Variants in AK5 observed in about 807,000 individuals in gnomAD.
The protein encoded by AK5 is adenylate kinase isoenzyme 5.
AK5 carries 27 observed loss-of-function variants against 69.5 expected under a neutral mutation model. The ratio of observed to expected loss-of-function variants is 0.39; its 90% CI spans 0.29 to 0.54. The LOEUF (loss-of-function observed/expected upper bound fraction) is 0.54. Ranked by LOEUF, AK5 falls within the 20% of genes least tolerant of loss-of-function variation. AK5 has a pLI of 0.71. For missense variants in AK5, 531 were observed against 700.4 expected (o/e 0.76, Z 2.73); for synonymous variants, 260 against 244.4 (o/e 1.06, Z -0.60).
Position 77,282,095 on chromosome 1 carries a change from A to T in AK5, c.-219A>T. The T allele has an allele frequency of 7.3e-6, 3 of 412,718 alleles. No individual in the cohort carries two copies. The highest frequency in any genetic ancestry group is 1.3e-5 in the Non-Finnish European group (3 of 232,910). The allele number at this position is 412,718 out of a possible 1,614,324, so 25.6% of individuals were successfully genotyped here. On this transcript the variant is annotated 5_prime_UTR_variant, in exon 1 of 14. Transcript: ENST00000354567. ...CCTGCAGCTCCGGCTCGGGGGCTGG[A>T]ACCGAAGCGGGGGCGGCGGGAGCGC...
At chr1:77,326,287 T>C (rs1660800480) in intron 5 of AK5, among the ~76,000 whole-genome samples, 1 of 152,166 alleles carries the variant, frequency 6.6e-6, no homozygotes, top group South Asian at 2.1e-4. Context: ...AGACAGTCTT[T>C]GTGTTTGAGT....
intron 2 of AK5, among the ~76,000 whole-genome samples, chr1:77,289,556 G>A (rs879778082): frequency 7.2e-5 from 11 of 151,924 alleles, no homozygotes; most frequent in African/African-American, 1.2e-4. Context: ...CTACTTAGTC[G>A]GAAAGCTGCT....
At chr1:77,486,206 T>C (rs1655575416) in intron 9 of AK5, 102 bp from the exon 10 acceptor site, 2 of 730,036 alleles carry the variant, frequency 2.7e-6, no homozygotes, top group East Asian at 2.9e-5. Context: ...AAGCTTTTTA[T>C]CAAATAAAAC....
At chr1:77,287,242 C>A in intron 2 of AK5, 115 bp downstream of exon 2, 1 of 658,084 alleles carries the variant, frequency 1.5e-6, no homozygotes, top group Non-Finnish European at 2.2e-6. Context: ...TGCCTGAAGT[C>A]ATTGGATCAC....
At chr1:77,399,652 C>G (rs576552267) in intron 6 of AK5, among the ~76,000 whole-genome samples, 47 of 152,250 alleles carry the variant, frequency 3.1e-4, no homozygotes, top group African/African-American at 1.1e-3. Flanking sequence ...TGGCCCATAT[C>G]AGAAATCCAT....
chr1:77,544,981 C>T (rs187568104), intron 13 of AK5, among the ~76,000 whole-genome samples: 10 of 152,268 alleles, frequency 6.6e-5, no homozygotes, highest in African/African-American at 2.4e-4. Flanking sequence ...TAATCCATTG[C>T]GCTGTGACAT....
intron 5 of AK5, among the ~76,000 whole-genome samples, chr1:77,332,796 G>T (rs528227195): frequency 3.4e-5 from 5 of 149,240 alleles, no homozygotes; most frequent in African/African-American, 1.2e-4. Flanking sequence ...CTGGATGGTT[G>T]CAGCATTATA....
intron 6 of AK5, among the ~76,000 whole-genome samples, chr1:77,367,475 C>T (rs1646971950): frequency 1.5e-5 from 2 of 130,478 alleles, no homozygotes; most frequent in African/African-American, 2.8e-5. Flanking sequence ...CACCACCACA[C>T]CTGGCTAGTT....
intron 5 of AK5, among the ~76,000 whole-genome samples, chr1:77,300,542 G>T (rs1659274085): frequency 1.3e-5 from 2 of 152,278 alleles, no homozygotes; most frequent in Middle Eastern, 6.8e-3. Context: ...CCCTGTGTAG[G>T]CTTAAGCTTC....
intron 6 of AK5, among the ~76,000 whole-genome samples, chr1:77,367,642 ATGT>A (rs1299187004): frequency 3.2e-4 from 22 of 68,454 alleles, no homozygotes; most frequent in Non-Finnish European, 3.9e-4. Context: ...TATATATGTT[ATGT>A]TATATATGTT....
intron 13 of AK5, among the ~76,000 whole-genome samples, chr1:77,553,220 G>A (rs1374678928): frequency 6.6e-6 from 1 of 152,178 alleles, no homozygotes; most frequent in Non-Finnish European, 1.5e-5. Context: ...GGAGAGAAAT[G>A]TTTCAGGGCC....
chr1:77,498,930 T>C (rs904816238), intron 10 of AK5, among the ~76,000 whole-genome samples: 1 of 152,244 alleles, frequency 6.6e-6, no homozygotes, highest in African/African-American at 2.4e-5. Flanking sequence ...TACAACCAGC[T>C]GTAGTTGGCT....
intron 8 of AK5, among the ~76,000 whole-genome samples, chr1:77,423,191 T>A (rs1032047945): frequency 2.5e-4 from 33 of 133,446 alleles, no homozygotes; most frequent in African/African-American, 5.5e-4. Context: ...ACTGCACTCC[T>A]GCCTGGGCAA....
intron 7 of AK5, among the ~76,000 whole-genome samples, chr1:77,415,919 TC>T (rs1650394112): frequency 6.6e-6 from 1 of 152,198 alleles, no homozygotes; most frequent in African/African-American, 2.4e-5. Context: ...TTTCCTCTTT[TC>T]TAAAATGAGA....
chr1:77,340,952 A>T (rs916258981), intron 6 of AK5: 1 of 162,764 alleles, frequency 6.1e-6, no homozygotes, highest in Non-Finnish European at 1.3e-5. Context: ...CACACAGTTG[A>T]TGTGGGGTTA....
chr1:77,346,759 A>G (rs1015707638), intron 6 of AK5, among the ~76,000 whole-genome samples: 1 of 152,116 alleles, frequency 6.6e-6, no homozygotes, highest in African/African-American at 2.4e-5. Flanking sequence ...CAGCCTCCCA[A>G]AGTGCTGGGA....
intron 8 of AK5, among the ~76,000 whole-genome samples, chr1:77,469,825 T>C (rs1340447907): frequency 2.0e-5 from 3 of 152,214 alleles, no homozygotes; most frequent in African/African-American, 7.2e-5. Context: ...CCTCATTCTA[T>C]TGGCTGAACA....
intron 1 of AK5, among the ~76,000 whole-genome samples, chr1:77,285,469 A>C (rs1557461575): frequency 6.6e-6 from 1 of 152,262 alleles, no homozygotes. Flanking sequence ...AGGAAATTAC[A>C]CAGGAAATAA....
chr1:77,388,552 C>G (rs375692033), intron 6 of AK5, among the ~76,000 whole-genome samples: 5 of 134,520 alleles, frequency 3.7e-5, no homozygotes, highest in Non-Finnish European at 8.1e-5. Flanking sequence ...AGAACCTGGT[C>G]GTTCTTTTGG....
Sources: allele counts gnomAD v4.1 joint callset (sites outside exome capture counted in the v4.1 genomes callset), GRCh38; gene constraint gnomAD v4.1.1; transcripts MANE v1.5; gene names NCBI Gene and HGNC (gene_info 2026-07-23, HGNC 2026-07-21).